The following TENM2 variants were observed in gnomAD, a reference collection of about 807,000 sequenced individuals.
TENM2 encodes teneurin-2.
Under a neutral mutation model 245.2 loss-of-function variants are expected in TENM2, and 52 were observed. That is an observed-to-expected ratio of 0.21 (90% CI 0.17 to 0.27). The LOEUF is 0.27. TENM2 is among the 10% of genes least tolerant of loss of function. TENM2 has a pLI of 1.00. For missense variants in TENM2, 3,046 were observed against 3,666.8 expected, an observed-to-expected ratio of 0.83 and a Z score of 4.37; for synonymous variants, 1,363 against 1,438.9, an observed-to-expected ratio of 0.95 and a Z score of 1.19.
the TENM2 span, among the ~76,000 whole-genome samples, chr5:167,093,857 T>C: frequency 6.6e-6 from 1 of 152,206 alleles, no homozygotes; most frequent in African/African-American, 2.4e-5. Context: ...GGCCTTAGGA[T>C]AGACTAACCC....
At chr5:167,318,436 T>C (rs1436710909) in intron 1 of TENM2, among the ~76,000 whole-genome samples, 1 of 152,136 alleles carries the variant, frequency 6.6e-6, no homozygotes, top group African/African-American at 2.4e-5. Flanking sequence ...TCATTTTTTT[T>C]TTTTTTACAC....
chr5:168,250,068 ATGGATGGCTGACTGGATGGC>A lies in TENM2; in HGVS notation c.7432+1701_7432+1720del, dbSNP rs1290159996. Among the ~76,000 whole-genome samples the A allele has an allele frequency of 1.1e-4, 16 of 152,120 alleles. No individual in the cohort carries two copies. The South Asian group carries it at 3.3e-3, about 32-fold the overall frequency. ...GCTGGATGGTTGGGTGGATGGCTGG[ATGGATGGCTGACTGGATGGC>A]TGGCTGGCTGGATGAGTGGATGGAT... On this transcript the variant is annotated intron_variant, in intron 27 of 28. Transcript: ENST00000518659.
chr5:167,553,803 A>C (rs1023674260), intron 2 of TENM2, among the ~76,000 whole-genome samples: 1 of 152,108 alleles, frequency 6.6e-6, no homozygotes, highest in Non-Finnish European at 1.5e-5. Flanking sequence ...ACATTGATGG[A>C]TGGAGTTAAA....
At chr5:168,237,765 T>C (rs1309803813) in intron 25 of TENM2, among the ~76,000 whole-genome samples, 1 of 151,778 alleles carries the variant, frequency 6.6e-6, no homozygotes, top group Non-Finnish European at 1.5e-5. Context: ...TAATATTAAA[T>C]TTATAGCAAG....
chr5:167,936,675 G>T (rs1778746625), intron 3 of TENM2, among the ~76,000 whole-genome samples: 2 of 152,132 alleles, frequency 1.3e-5, no homozygotes, highest in African/African-American at 4.8e-5. Context: ...CAGTAAAATT[G>T]GCTTCACTGT....
chr5:168,068,844 T>TG (rs1790733082), intron 7 of TENM2, among the ~76,000 whole-genome samples: 1 of 57,512 alleles, frequency 1.7e-5, no homozygotes, highest in East Asian at 3.7e-4. Flanking sequence ...TCTCTGTGTG[T>TG]TTGTGTGTGT....
At chr5:167,420,329 C>G (rs6879403) in intron 2 of TENM2, among the ~76,000 whole-genome samples, 4 of 152,074 alleles carry the variant, frequency 2.6e-5, no homozygotes, top group Non-Finnish European at 4.4e-5. Flanking sequence ...ACCAAATAAA[C>G]TATGTGGACT....
At chr5:167,204,375 T>C in the TENM2 span, among the ~76,000 whole-genome samples, 1 of 152,076 alleles carries the variant, frequency 6.6e-6, no homozygotes, top group African/African-American at 2.4e-5. Context: ...AGTGAGAAGA[T>C]TAATGTGGAC....
intron 5 of TENM2, among the ~76,000 whole-genome samples, chr5:168,015,562 G>A (rs926872135): frequency 1.3e-5 from 2 of 152,236 alleles, no homozygotes; most frequent in African/African-American, 4.8e-5. Flanking sequence ...CTTATTCCAT[G>A]TGCTGCGCCT....
chr5:167,573,272 T>TA (rs1335788322), intron 2 of TENM2, among the ~76,000 whole-genome samples: 1 of 152,132 alleles, frequency 6.6e-6, no homozygotes, highest in African/African-American at 2.4e-5. Context: ...AAATGCATCC[T>TA]AAAAAATCAC....
the TENM2 span, among the ~76,000 whole-genome samples, chr5:167,207,891 T>A: frequency 6.6e-6 from 1 of 152,118 alleles, no homozygotes; most frequent in East Asian, 1.9e-4. Flanking sequence ...GTAGCTGAGA[T>A]TATAGGCACG....
chr5:167,247,409 T>A, the TENM2 span, among the ~76,000 whole-genome samples: 2 of 152,278 alleles, frequency 1.3e-5, no homozygotes, highest in East Asian at 3.9e-4. Flanking sequence ...TTGTTTAATA[T>A]CGAAGCCTTT....
Position 168,041,441 on chromosome 5 carries a change from CCTT to C in TENM2, c.1187-5983_1187-5981del, listed in dbSNP as rs141144121. The stretch of plus-strand genomic sequence containing the variant: ...GCCCGTCCCTTCACCCACCACTCCT[CCTT>C]CTCACTAACTCCACTCCCCTTCGGC... On this transcript the variant is annotated intron_variant, in intron 5 of 28. Coordinates refer to ENST00000518659, the Ensembl canonical transcript of TENM2. 6.7e-3 allele frequency among the ~76,000 whole-genome samples: 1,021 copies of C among 152,310 alleles called. 16 individuals are homozygous for C. Among genetic ancestry groups the C allele is most frequent in the Middle Eastern group, 0.034 (10 of 294 alleles).
At chr5:167,941,909 C>CA (rs558737222) in intron 3 of TENM2, among the ~76,000 whole-genome samples, 3 of 150,912 alleles carry the variant, frequency 2.0e-5, no homozygotes, top group Non-Finnish European at 2.9e-5. Flanking sequence ...CCCCTCTCTC[C>CA]AACATCTCAA....
At chr5:167,655,059 T>C (rs1369782184) in intron 2 of TENM2, among the ~76,000 whole-genome samples, 3 of 152,338 alleles carry the variant, frequency 2.0e-5, no homozygotes, top group African/African-American at 7.2e-5. Context: ...GTGTTAGTTA[T>C]TTAAGATTAC....
chr5:167,837,023 A>G (rs551050890), intron 2 of TENM2, among the ~76,000 whole-genome samples: 18 of 152,182 alleles, frequency 1.2e-4, no homozygotes, highest in African/African-American at 3.6e-4. Flanking sequence ...AAATGCAAAG[A>G]AAATTTCCTA....
chr5:167,403,236 G>A (rs1252824223), intron 2 of TENM2, among the ~76,000 whole-genome samples: 1 of 151,560 alleles, frequency 6.6e-6, no homozygotes, highest in Non-Finnish European at 1.5e-5. Flanking sequence ...ATACATTTGG[G>A]CCATTTGTGA....
intron 5 of TENM2, among the ~76,000 whole-genome samples, chr5:168,000,365 A>G (rs922749436): frequency 3.9e-5 from 6 of 152,232 alleles, no homozygotes; most frequent in Admixed American, 1.3e-4. Flanking sequence ...GTAGTTAGAC[A>G]AGAAGCAGCT....
chr5:167,457,372 G>A (rs1765989650), intron 2 of TENM2, among the ~76,000 whole-genome samples: 1 of 148,976 alleles, frequency 6.7e-6, no homozygotes, highest in South Asian at 2.1e-4. Flanking sequence ...CGCTCTTGTT[G>A]CCCAGGCTGG....
Sources: allele counts gnomAD v4.1 joint callset (sites outside exome capture counted in the v4.1 genomes callset), GRCh38; gene constraint gnomAD v4.1.1; transcripts MANE v1.5; gene names NCBI Gene and HGNC (gene_info 2026-07-23, HGNC 2026-07-21).